The following ZFAT variants were observed in gnomAD, a reference collection of about 807,000 sequenced individuals.
ZFAT encodes zinc finger and AT-hook domain containing.
Under a neutral mutation model 117.7 loss-of-function variants are expected in ZFAT, and 64 were observed. That is an observed-to-expected ratio of 0.54 (90% confidence interval 0.44 to 0.67). ZFAT has a LOEUF of 0.67. ZFAT is among the 30% of genes least tolerant of loss of function. The probability of loss-of-function intolerance (pLI) is 0.00; values close to 1 mark genes in which losing one functional copy is unlikely to be tolerated. For missense variants in ZFAT, 1,433 were observed against 1,584.5 expected (o/e 0.90, Z 1.62); for synonymous variants, 679 against 615.0 (o/e 1.10, Z -1.54).
rs1277300774 is a variant in ZFAT, at chr8:134,610,438, T to G, written c.634+32A>C. Reference sequence around the variant, plus strand: ...CCTTGGCACAGACTTGCCAAGGGTCTTGCCTTTTCCTTTCCCGCTTGGTGC... The same window carrying G: ...CCTTGGCACAGACTTGCCAAGGGTCGTGCCTTTTCCTTTCCCGCTTGGTGC... On this transcript the variant is annotated intron_variant, in intron 4 of 15. Transcript: ENST00000377838. 16 of 1,599,252 alleles carry G rather than the reference T, an allele frequency of 1.0e-5. No individual in the cohort carries two copies. The East Asian group carries it at 3.6e-4, about 36-fold the overall frequency.
upstream of ZFAT, among the ~76,000 whole-genome samples, chr8:134,717,160 T>A (rs1814220737): frequency 6.6e-6 from 1 of 152,234 alleles, no homozygotes; most frequent in Non-Finnish European, 1.5e-5. Flanking sequence ...TAATGATGCA[T>A]AATGAAGGTC....
intron 10 of ZFAT, among the ~76,000 whole-genome samples, chr8:134,579,479 A>T (rs1825567074): frequency 6.6e-6 from 1 of 152,154 alleles, no homozygotes; most frequent in Non-Finnish European, 1.5e-5. Context: ...CTAGCACGAG[A>T]ACAGTATGGG....
the ZFAT span, among the ~76,000 whole-genome samples, chr8:134,779,827 C>T: frequency 6.6e-6 from 1 of 152,060 alleles, no homozygotes; most frequent in East Asian, 1.9e-4. Flanking sequence ...TTATATCTTC[C>T]AAGTATTTTT....
the ZFAT span, among the ~76,000 whole-genome samples, chr8:134,747,273 A>G: frequency 6.6e-6 from 1 of 151,652 alleles, no homozygotes; most frequent in Non-Finnish European, 1.5e-5. Flanking sequence ...AAATTTTTAT[A>G]CAGATGAGGT....
At chr8:134,579,947 C>T (rs1328912061) in intron 10 of ZFAT, among the ~76,000 whole-genome samples, 1 of 125,006 alleles carries the variant, frequency 8.0e-6, no homozygotes, top group Non-Finnish European at 1.6e-5. Flanking sequence ...GAGACTCTGA[C>T]ACAGGGAACA....
chr8:134,511,048 G>C (rs899355720), intron 14 of ZFAT: 1 of 152,364 alleles, frequency 6.6e-6, no homozygotes, highest in Non-Finnish European at 1.5e-5. Flanking sequence ...GCACTGGAGC[G>C]TGTGTCCCTT....
chr8:134,775,522 G>A, the ZFAT span, among the ~76,000 whole-genome samples: 13 of 152,202 alleles, frequency 8.5e-5, no homozygotes, highest in East Asian at 1.7e-3. Context: ...ACCCACCTTC[G>A]TAAGCCCTGA....
chr8:134,495,815 A>G (rs1194580275), intron 15 of ZFAT, among the ~76,000 whole-genome samples: 1 of 152,152 alleles, frequency 6.6e-6, no homozygotes, highest in East Asian at 1.9e-4. Flanking sequence ...CTTTGGTCCC[A>G]GCTACTCTGG....
intron 2 of ZFAT, among the ~76,000 whole-genome samples, chr8:134,641,247 GCA>G (rs146785876): frequency 4.2e-4 from 63 of 151,588 alleles, no homozygotes; most frequent in African/African-American, 1.2e-3. Flanking sequence ...ACACACACCT[GCA>G]CACACACACA....
At chr8:134,708,887 G>A (rs1210065748) in intron 1 of ZFAT, among the ~76,000 whole-genome samples, 1 of 152,212 alleles carries the variant, frequency 6.6e-6, no homozygotes, top group East Asian at 1.9e-4. Context: ...AGAAGGCAGA[G>A]GTTGCAGTGA....
chr8:134,533,913 C>A (rs1821622011), intron 11 of ZFAT, among the ~76,000 whole-genome samples: 1 of 152,238 alleles, frequency 6.6e-6, no homozygotes, highest in African/African-American at 2.4e-5. Context: ...GAGCTGCCAG[C>A]ATGCCCCTGT....
At chr8:134,707,688 G>GCTGC (rs1834187975) in intron 1 of ZFAT, among the ~76,000 whole-genome samples, 2 of 152,198 alleles carry the variant, frequency 1.3e-5, no homozygotes, top group African/African-American at 4.8e-5. Context: ...ACTATGGGAT[G>GCTGC]CTGCCCCTTT....
chr8:134,687,630 G>A (rs544913005), intron 1 of ZFAT, among the ~76,000 whole-genome samples: 2 of 152,132 alleles, frequency 1.3e-5, no homozygotes, highest in Admixed American at 6.5e-5. Context: ...CCCCTGTCCC[G>A]CTGCAGACCC....
the ZFAT span, among the ~76,000 whole-genome samples, chr8:134,830,905 T>C: frequency 5.3e-5 from 8 of 152,196 alleles, no homozygotes; most frequent in African/African-American, 1.9e-4. Flanking sequence ...GGTAAACAGG[T>C]AGCATACACA....
intron 1 of ZFAT, among the ~76,000 whole-genome samples, chr8:134,702,267 T>C (rs1254467625): frequency 6.6e-6 from 1 of 152,220 alleles, no homozygotes; most frequent in African/African-American, 2.4e-5. Context: ...ACAGGGCTAT[T>C]ACAAATAAAG....
chr8:134,808,930 C>G, the ZFAT span, among the ~76,000 whole-genome samples: 1 of 152,202 alleles, frequency 6.6e-6, no homozygotes, highest in African/African-American at 2.4e-5. Flanking sequence ...TATAAACAAT[C>G]AAAATATATC....
At chr8:134,682,513 GGT>G (rs1405326078) in intron 1 of ZFAT, among the ~76,000 whole-genome samples, 1 of 152,150 alleles carries the variant, frequency 6.6e-6, no homozygotes, top group Non-Finnish European at 1.5e-5. Flanking sequence ...AAATTAGCCG[GGT>G]GTGGTGGCGC....
chr8:134,535,247 T>C (rs529603509), intron 11 of ZFAT, among the ~76,000 whole-genome samples: 98 of 152,346 alleles, frequency 6.4e-4, no homozygotes, highest in Middle Eastern at 6.8e-3. Context: ...TATGTTTTGT[T>C]GGGTCCTCTC....
At chr8:134,637,400 A>C (rs1156348286) in intron 3 of ZFAT, 61 bp downstream of exon 3, 1 of 1,557,312 alleles carries the variant, frequency 6.4e-7, no homozygotes, top group Non-Finnish European at 8.7e-7. Flanking sequence ...GTGAAACCTG[A>C]TATTAGCAGA....
Sources: allele counts gnomAD v4.1 joint callset (sites outside exome capture counted in the v4.1 genomes callset), GRCh38; gene constraint gnomAD v4.1.1; transcripts MANE v1.5; gene names NCBI Gene and HGNC (gene_info 2026-07-23, HGNC 2026-07-21).